The following SLC25A46 variants were observed in gnomAD, a reference collection of about 807,000 sequenced individuals.
SLC25A46 encodes the protein solute carrier family 25 member 46, also known as mitochondrial outer membrane protein SLC25A46.
A neutral mutation model predicts 44.6 loss-of-function variants in SLC25A46; 39 were observed. The ratio of observed to expected loss-of-function variants is 0.87; its 90% confidence interval spans 0.68 to 1.14. The LOEUF (loss-of-function observed/expected upper bound fraction) is 1.14. Among genes scored for constraint, SLC25A46 ranks in the 50% most tolerant of loss-of-function variants. SLC25A46 has a pLI of 0.00. For missense variants in SLC25A46, 547 were observed against 522.7 expected, an observed-to-expected ratio of 1.05 and a Z score of -0.45; for synonymous variants, 202 against 185.8, an observed-to-expected ratio of 1.09 and a Z score of -0.71.
intron 5 of SLC25A46, chr5:110,754,697 T>C (rs1292027323): frequency 2.0e-5 from 3 of 152,144 alleles, no homozygotes; most frequent in Non-Finnish European, 4.4e-5. Flanking sequence ...ATTTTTCTCA[T>C]CAGTAAGACA....
intron 1 of SLC25A46, among the ~76,000 whole-genome samples, chr5:110,739,969 C>T (rs1799602337): frequency 6.6e-6 from 1 of 151,964 alleles, no homozygotes; most frequent in African/African-American, 2.4e-5. Context: ...TTTTTGAACA[C>T]AGGAGTTTTG....
chr5:110,762,032 C>A lies in SLC25A46; in HGVS notation c.*250C>A. ...AATTCTAGTTAGTGTAGCACTCATGCTGAAGTAAACATGATCGTAGGCAGA... is the reference window on the plus strand; with the variant it reads ...AATTCTAGTTAGTGTAGCACTCATGATGAAGTAAACATGATCGTAGGCAGA... On this transcript the variant is annotated 3_prime_UTR_variant, in exon 8 of 8. Coordinates refer to ENST00000355943, the MANE Select transcript of SLC25A46 (RefSeq NM_138773.4). 1 of 326,832 alleles carries A rather than the reference C, an allele frequency of 3.1e-6. No homozygotes were observed. Among genetic ancestry groups the A allele is most frequent in the Non-Finnish European group, 5.6e-6 (1 of 178,986 alleles). 20.2% of individuals were successfully genotyped at this position (326,832 alleles called of 1,614,324 possible).
At chr5:110,749,916 A>G (rs1421545946) in intron 5 of SLC25A46, among the ~76,000 whole-genome samples, 1 of 152,168 alleles carries the variant, frequency 6.6e-6, no homozygotes, top group Non-Finnish European at 1.5e-5. Context: ...TATCAGCACT[A>G]TATTTTTGTA....
rs751659870 is a variant in SLC25A46 at position 110,739,071 on chromosome 5, C to T, written c.-49C>T. The T allele has an allele frequency of 6.5e-6, 10 of 1,530,968 alleles. No individual in the cohort carries two copies. Among genetic ancestry groups the T allele is most frequent in the South Asian group, 3.6e-5 (3 of 83,272 alleles). The allele number at this position is 1,530,968 out of a possible 1,614,324, so 94.8% of individuals were successfully genotyped here. A position where few individuals can be genotyped will look rare whatever the true frequency, so the allele number is the denominator to read the frequency against. Reference sequence around the variant, plus strand: ...GTGTGTGCTTAGGTCGTGGTGGCCCCGGTGGTGGTGGGCTCCGGGCGGGCT... The same window carrying T: ...GTGTGTGCTTAGGTCGTGGTGGCCCTGGTGGTGGTGGGCTCCGGGCGGGCT... On this transcript the variant is annotated 5_prime_UTR_variant, in exon 1 of 8. Coordinates refer to ENST00000355943, the MANE Select transcript of SLC25A46 (RefSeq NM_138773.4).
chr5:110,760,008 A>G (rs1301884603), intron 7 of SLC25A46, among the ~76,000 whole-genome samples: 1 of 152,186 alleles, frequency 6.6e-6, no homozygotes, highest in Non-Finnish European at 1.5e-5. Context: ...GTTGGAAACC[A>G]TCTGTAGGTC....
At chr5:110,747,947 A>G (rs1293259750) in intron 4 of SLC25A46, among the ~76,000 whole-genome samples, 7 of 152,264 alleles carry the variant, frequency 4.6e-5, no homozygotes, top group Non-Finnish European at 2.9e-5. Context: ...TATTTAATAA[A>G]TTAGTTAATC....
In SLC25A46 at chr5:110,761,788, A is replaced by C. The variant is rs1800259364; in HGVS notation, c.*6A>C. On this transcript the variant is annotated 3_prime_UTR_variant, in exon 8 of 8. Transcript: ENST00000355943. The surrounding 1 kb of genome is among the most constrained non-coding windows in gnomAD (Gnocchi z 5.3). ...TTCTTCAAAATAACATTTGAGATTTAGGTTCCTTCACTGAGTAGTCTGGAA... is the reference window on the plus strand; with the variant it reads ...TTCTTCAAAATAACATTTGAGATTTCGGTTCCTTCACTGAGTAGTCTGGAA... The C allele has an allele frequency of 6.3e-7, 1 of 1,597,192 alleles. No homozygotes were observed. Among genetic ancestry groups the C allele is most frequent in the Non-Finnish European group, 8.5e-7 (1 of 1,171,834 alleles).
chr5:110,754,216 T>A (rs1186142084), intron 5 of SLC25A46: 1 of 151,868 alleles, frequency 6.6e-6, no homozygotes, highest in Non-Finnish European at 1.5e-5. Context: ...TTATCTAGAT[T>A]CCTGCTGTAG....
chr5:110,751,884 G>C (rs986081922), intron 5 of SLC25A46, among the ~76,000 whole-genome samples: 2 of 152,196 alleles, frequency 1.3e-5, no homozygotes, highest in East Asian at 3.9e-4. Flanking sequence ...AAATGAAGCT[G>C]TTTTTTTGAA....
At chr5:110,743,848 A>G in intron 3 of SLC25A46, 61 bp downstream of exon 3, 1 of 1,292,480 alleles carries the variant, frequency 7.7e-7, no homozygotes. Flanking sequence ...GAAGGGCAGA[A>G]CTCACATAAA....
At chr5:110,745,681 C>G (rs1188597668) in intron 3 of SLC25A46, 3 of 152,134 alleles carry the variant, frequency 2.0e-5, no homozygotes, top group Non-Finnish European at 4.4e-5. Flanking sequence ...TACAGAAATA[C>G]CATTAAAGTA....
rs745848873 is a variant in SLC25A46 at position 110,761,093 on chromosome 5, T to C, written c.679-111T>C. The C allele has an allele frequency of 2.5e-6, 2 of 791,732 alleles. No homozygotes were observed. The highest frequency in any genetic ancestry group is 4.1e-6 in the Non-Finnish European group (2 of 493,790). The allele number at this position is 791,732 out of a possible 1,614,324, so 49.0% of individuals were successfully genotyped here. ...GTTAAAGTCTGCAAATCATGGATGT[T>C]TCCCTCTTCAGTCACTATGTTAGGA... is the stretch of plus-strand genomic sequence containing the variant. On this transcript the variant is annotated intron_variant, in intron 7 of 7. Transcript: ENST00000355943. This position sits in a 1 kb window ranked among gnomAD's most constrained non-coding sequence, Gnocchi z 5.3.
intron 3 of SLC25A46, 125 bp from the exon 4 acceptor site, chr5:110,746,144 G>A (rs1799812296): frequency 1.3e-6 from 1 of 748,038 alleles, no homozygotes; most frequent in Non-Finnish European, 2.2e-6. Flanking sequence ...TTGCTTATGT[G>A]TAATTTATGT....
chr5:110,751,025 C>A (rs961651932), intron 5 of SLC25A46, among the ~76,000 whole-genome samples: 28 of 152,136 alleles, frequency 1.8e-4, no homozygotes, highest in African/African-American at 6.3e-4. Flanking sequence ...ATATTTTCAT[C>A]ATTTTGAATC....
At chr5:110,743,678 A>C in intron 2 of SLC25A46, 52 bp from the exon 3 acceptor site, 2 of 1,057,632 alleles carry the variant, frequency 1.9e-6, no homozygotes, top group Non-Finnish European at 2.7e-6. Flanking sequence ...CCTGTTGTAA[A>C]TTTAATTTAT....
At chr5:110,742,554 T>C (rs934604230) in intron 2 of SLC25A46, among the ~76,000 whole-genome samples, 1 of 152,126 alleles carries the variant, frequency 6.6e-6, no homozygotes, top group African/African-American at 2.4e-5. Context: ...TACAGTGATC[T>C]AGTTTCATTT....
At chr5:110,747,349 T>A (rs185382987) in intron 4 of SLC25A46, among the ~76,000 whole-genome samples, 1 of 152,230 alleles carries the variant, frequency 6.6e-6, no homozygotes, top group Admixed American at 6.5e-5. Context: ...TTCAAGATAA[T>A]ACTACCTGTT....
chr5:110,738,929 C>T, upstream of SLC25A46: 1 of 1,404,008 alleles, frequency 7.1e-7, no homozygotes, highest in Non-Finnish European at 9.3e-7. Context: ...AGCAACCGTG[C>T]CCTTTAATGG....
chr5:110,739,974 G>T (rs1311650816), intron 1 of SLC25A46, among the ~76,000 whole-genome samples: 1 of 152,006 alleles, frequency 6.6e-6, no homozygotes, highest in Non-Finnish European at 1.5e-5. Flanking sequence ...GAACACAGGA[G>T]TTTTGTCTGC....
Sources: allele counts gnomAD v4.1 joint callset (sites outside exome capture counted in the v4.1 genomes callset), GRCh38; gene constraint gnomAD v4.1.1; non-coding constraint Gnocchi (gnomAD v3.1); transcripts MANE v1.5; gene names NCBI Gene and HGNC (gene_info 2026-07-23, HGNC 2026-07-21).